Variants in PCDH15 observed in about 807,000 individuals in gnomAD.
PCDH15 encodes the protein protocadherin-15.
PCDH15 carries 129 observed loss-of-function variants against 178.5 expected under a neutral mutation model. That is an observed-to-expected ratio of 0.72 (90% confidence interval 0.63 to 0.84). The LOEUF (loss-of-function observed/expected upper bound fraction) is 0.84. PCDH15 is among the 40% of genes least tolerant of loss of function. PCDH15 has a pLI of 0.00. For missense variants in PCDH15, 2,230 were observed against 2,099.9 expected, an observed-to-expected ratio of 1.06 and a Z score of -1.21; for synonymous variants, 800 against 732.0, an observed-to-expected ratio of 1.09 and a Z score of -1.50.
intron 17 of PCDH15, among the ~76,000 whole-genome samples, 163 bp from the exon 18 acceptor site, chr10:54,067,048 A>C (rs570882967): frequency 1.3e-5 from 2 of 152,212 alleles, no homozygotes; most frequent in African/African-American, 4.8e-5. Context: ...AATTAAAAAA[A>C]AGAAGCTTGC....
At chr10:54,232,036 T>A (rs915901210) in intron 9 of PCDH15, among the ~76,000 whole-genome samples, 1 of 152,118 alleles carries the variant, frequency 6.6e-6, no homozygotes, top group East Asian at 1.9e-4. Flanking sequence ...TATTTTGCAA[T>A]GTGAGAATGA....
intron 1 of PCDH15, among the ~76,000 whole-genome samples, chr10:55,310,850 A>T (rs1333068346): frequency 6.6e-6 from 1 of 152,166 alleles, no homozygotes; most frequent in African/African-American, 2.4e-5. Context: ...CAGGGAAGGG[A>T]ATATCATACA....
intron 15 of PCDH15, among the ~76,000 whole-genome samples, chr10:54,123,560 T>C (rs979835743): frequency 2.0e-5 from 3 of 152,098 alleles, no homozygotes; most frequent in Admixed American, 2.0e-4. Context: ...AGAATACTTA[T>C]ATACTCTTGG....
intron 1 of PCDH15, among the ~76,000 whole-genome samples, chr10:54,754,907 A>C (rs1355410015): frequency 8.7e-6 from 1 of 114,852 alleles, no homozygotes; most frequent in Non-Finnish European, 1.9e-5. Context: ...AAGATAATTT[A>C]TTTGCCATGT....
At chr10:55,000,296 G>T (rs1435816470) in intron 2 of PCDH15, among the ~76,000 whole-genome samples, 1 of 152,134 alleles carries the variant, frequency 6.6e-6, no homozygotes, top group Non-Finnish European at 1.5e-5. Flanking sequence ...CTTTCTCAGG[G>T]ATGTTCCTTG....
chr10:54,126,217 T>C (rs1297247801), intron 15 of PCDH15, among the ~76,000 whole-genome samples: 3 of 151,992 alleles, frequency 2.0e-5, no homozygotes, highest in Non-Finnish European at 2.9e-5. Context: ...ATTACAAGCA[T>C]GCACCAACAC....
intron 25 of PCDH15, among the ~76,000 whole-genome samples, chr10:53,912,118 C>A (rs1252334224): frequency 6.6e-6 from 1 of 152,156 alleles, no homozygotes; most frequent in African/African-American, 2.4e-5. Context: ...CAGCTTCATC[C>A]CTGGGATCCA....
intron 1 of PCDH15, among the ~76,000 whole-genome samples, chr10:55,315,698 T>A (rs1843707236): frequency 6.6e-6 from 1 of 152,160 alleles, no homozygotes; most frequent in African/African-American, 2.4e-5. Flanking sequence ...TCAGGAGTAA[T>A]GAAGTCTGCA....
chr10:55,530,513 G>T (rs1176771102), intron 2 of PCDH15, among the ~76,000 whole-genome samples: 1 of 151,850 alleles, frequency 6.6e-6, no homozygotes, highest in Non-Finnish European at 1.5e-5. Flanking sequence ...ATTTTGCTTT[G>T]CTCAGCTATG....
intron 1 of PCDH15, among the ~76,000 whole-genome samples, chr10:55,226,325 G>T (rs1461447034): frequency 6.6e-6 from 1 of 152,042 alleles, no homozygotes; most frequent in African/African-American, 2.4e-5. Flanking sequence ...TTCTTCAGAT[G>T]AATACTAACA....
intron 23 of PCDH15, among the ~76,000 whole-genome samples, chr10:53,949,030 A>G (rs1230380049): frequency 3.3e-5 from 5 of 152,240 alleles, no homozygotes; most frequent in Admixed American, 3.3e-4. Flanking sequence ...GCTAAATTCT[A>G]AACAGTGGAT....
intron 3 of PCDH15, among the ~76,000 whole-genome samples, chr10:54,810,271 G>A (rs1197173837): frequency 6.6e-6 from 1 of 152,022 alleles, no homozygotes; most frequent in Non-Finnish European, 1.5e-5. Flanking sequence ...CAGAAGTATT[G>A]TTTTTATTAT....
At chr10:54,793,886 T>C (rs1398655166) in intron 1 of PCDH15, among the ~76,000 whole-genome samples, 2 of 148,226 alleles carry the variant, frequency 1.3e-5, no homozygotes, top group African/African-American at 4.9e-5. Context: ...TAAAAATATG[T>C]GAATAAATAA....
chr10:55,574,721 C>A (rs535507030), intron 2 of PCDH15, among the ~76,000 whole-genome samples: 2 of 151,912 alleles, frequency 1.3e-5, no homozygotes, highest in East Asian at 3.9e-4. Flanking sequence ...TTTGACAGAA[C>A]CAACAATATA....
chr10:54,657,520 C>T (rs1362532114), intron 2 of PCDH15, among the ~76,000 whole-genome samples: 1 of 152,170 alleles, frequency 6.6e-6, no homozygotes, highest in Non-Finnish European at 1.5e-5. Flanking sequence ...TACTCTCAGC[C>T]TCGCAGGAGA....
chr10:55,486,733 C>T (rs1840306134), intron 2 of PCDH15, among the ~76,000 whole-genome samples: 1 of 151,508 alleles, frequency 6.6e-6, no homozygotes, highest in Admixed American at 6.6e-5. Context: ...TCTCAAACTC[C>T]TGGCCTCAAG....
intron 2 of PCDH15, among the ~76,000 whole-genome samples, chr10:55,516,339 A>G (rs1841011986): frequency 6.6e-6 from 1 of 152,104 alleles, no homozygotes; most frequent in South Asian, 2.1e-4. Context: ...CATGATGGTG[A>G]GGCCTCCCAA....
At chr10:54,744,462 GAA>G (rs988795458) in intron 1 of PCDH15, among the ~76,000 whole-genome samples, 1 of 151,812 alleles carries the variant, frequency 6.6e-6, no homozygotes, top group East Asian at 1.9e-4. Flanking sequence ...AACTTTAGAG[GAA>G]AAAAAGAAAT....
intron 2 of PCDH15, among the ~76,000 whole-genome samples, chr10:54,600,842 C>G (rs557839896): frequency 1.1e-3 from 166 of 152,046 alleles, no homozygotes; most frequent in Middle Eastern, 3.4e-3. Flanking sequence ...TGTGCTCCCC[C>G]CTCAGTCTTT....
Sources: gnomAD v4.1 joint callset for allele counts (sites outside exome capture counted in the v4.1 genomes callset) on GRCh38, gnomAD v4.1.1 for gene constraint, MANE v1.5 for transcripts, NCBI Gene and HGNC (gene_info 2026-07-23, HGNC 2026-07-21) for gene names.